The following ARSA variants were observed in gnomAD, a reference collection of about 807,000 sequenced individuals.
The protein encoded by ARSA is cerebroside-sulfatase.
A neutral mutation model predicts 37.8 loss-of-function variants in ARSA; 32 were observed. The observed-to-expected ratio is 0.85, with a 90% CI of 0.64 to 1.14. The LOEUF is 1.14. Among genes scored for constraint, ARSA ranks in the 50% most tolerant of loss-of-function variants. The pLI, the probability that ARSA is intolerant of heterozygous loss-of-function variation, is 0.00. For synonymous variants in ARSA, 303 were observed against 303.4 expected (o/e 1.00, Z 0.01); for missense variants, 685 against 686.3 (o/e 1.00, Z 0.02).
At chr22:50,627,470 C>T (rs1462577494) in intron 1 of ARSA, 64 bp from the exon 2 acceptor site, 3 of 1,599,980 alleles carry the variant, frequency 1.9e-6, no homozygotes, top group Admixed American at 1.7e-5. Flanking sequence ...GAGAGAGAGA[C>T]AGACGTTTTT....
chr22:50,625,431 G>A lies in ARSA; in HGVS notation c.1244C>T (p.Ala415Val). ...AGTCAGAGAGCTGGAGGCGTGGCAG[G>A]CAGGGTCTGCAGTGGTATCACTGTG... Reference protein sequence around the residue: ...SAHSDTTADPACHASSSLTAH... With the variant: ...SAHSDTTADPVCHASSSLTAH... Residue 415 changes from alanine to valine, a missense_variant, in exon 8 of 8, where the codon GCC (alanine) becomes GTC (valine). By Grantham distance (64) the Ala-to-Val change is moderately conservative. Coordinates refer to ENST00000216124, the MANE Select transcript of ARSA (RefSeq NM_000487.6). 6.3e-7 allele frequency: 1 copy of A among 1,595,314 alleles called. No homozygotes were observed. The highest frequency in any genetic ancestry group is 1.1e-5 in the South Asian group (1 of 89,194).
chr22:50,625,573 G>A lies in ARSA; in HGVS notation c.1210+6C>T. The A allele has an allele frequency of 6.2e-7, 1 of 1,613,074 alleles. No individual in the cohort carries two copies. The highest frequency in any genetic ancestry group is 8.5e-7 in the Non-Finnish European group (1 of 1,179,778). On this transcript the variant is annotated splice_donor_region_variant and intron_variant, in intron 7 of 7. Coordinates refer to ENST00000216124, the MANE Select transcript of ARSA (RefSeq NM_000487.6). ...TCGGGGGGAGGGATCCACGGGGAGGGGTTACCCTGGGTGAAGAAGTGAGCC... is the reference window on the plus strand; with the variant it reads ...TCGGGGGGAGGGATCCACGGGGAGGAGTTACCCTGGGTGAAGAAGTGAGCC...
At position 50,627,284 on chromosome 22, in the gene ARSA, C is replaced by T. The variant is rs754795152; in HGVS notation, c.347G>A (p.Arg116Gln). The T allele has an allele frequency of 3.1e-6, 5 of 1,592,608 alleles. No homozygotes were observed. Among genetic ancestry groups the T allele is most frequent in the African/African-American group, 2.7e-5 (2 of 74,682 alleles). ...GCCGGCCATTCCTGTGAGGTAGCCT[C>T]GGGCAGCCAGGACTTCGGCCACGGT... ...EVTVAEVLAARGYLTGMAGKW... is the reference protein window; with the variant it reads ...EVTVAEVLAAQGYLTGMAGKW... The change falls in exon 2 of 8, where the codon CGA becomes CAA. Residue 116 changes from arginine (R) to glutamine (Q), a missense_variant. Physicochemically the swap from Arg to Gln is conservative, Grantham distance 43. Coordinates refer to ENST00000216124, the MANE Select transcript of ARSA (RefSeq NM_000487.6).
Position 50,626,752 on chromosome 22 carries a change from G to A in ARSA, c.693C>T (p.His231=). 6 of 1,613,140 alleles carry A rather than the reference G, an allele frequency of 3.7e-6. No homozygotes were observed. The highest frequency in any genetic ancestry group is 5.1e-6 in the Non-Finnish European group (6 of 1,179,248). The part of the protein sequence containing the change: ...FFLYYASHHT[H]YPQFSGQSFA... ...AGCTCTGCCCACTGAACTGAGGGTA[G>A]TGGGTGTGCTGGGGGCAAAGACTGG... The change falls in exon 4 of 8, where the codon CAC becomes CAT. Residue 231 remains histidine (H), a synonymous_variant. Coordinates refer to ENST00000216124, the MANE Select transcript of ARSA (RefSeq NM_000487.6).
Position 50,626,170 on chromosome 22 carries a change from TGGCCAGAA to T in ARSA, c.955_962del (p.Phe319ArgfsTer38), listed in dbSNP as rs747244349. On this transcript the variant is annotated frameshift_variant, in exon 5 of 8. Coordinates refer to ENST00000216124, the MANE Select transcript of ARSA (RefSeq NM_000487.6). LOFTEE classifies it high-confidence loss of function. The stretch of plus-strand genomic sequence containing the variant: ...CGGACTGACCGGGAGCGATATGACC[TGGCCAGAA>T]GGCCAAGGCAGGCTCTCGGACACCG... 6.2e-7 allele frequency: 1 copy of T among 1,606,266 alleles called. No homozygotes were observed. Among genetic ancestry groups the T allele is most frequent in the Non-Finnish European group, 8.5e-7 (1 of 1,177,174 alleles).
At position 50,626,160 on chromosome 22, in the gene ARSA, C is replaced by T. The variant is rs747730785; in HGVS notation, c.973G>A (p.Ala325Thr). ...PALAFWPGHI[A>T]PGVTHELASS... ...AGAGGGCCTGCGGACTGACCGGGAG[C>T]GATATGACCTGGCCAGAAGGCCAAG... is the stretch of plus-strand genomic sequence containing the variant. Residue 325 changes from alanine (A) to threonine (T), a missense_variant, in exon 5 of 8, where the codon GCT becomes ACT. By Grantham distance (58) the Ala-to-Thr change is moderately conservative. Coordinates refer to ENST00000216124, the MANE Select transcript of ARSA (RefSeq NM_000487.6). 1.7e-5 allele frequency: 28 copies of T among 1,603,256 alleles called. No individual in the cohort carries two copies. Among genetic ancestry groups the T allele is most frequent in the African/African-American group, 4.0e-5 (3 of 74,872 alleles).
At position 50,622,994 on chromosome 22, in the gene ARSA, T is replaced by C. The variant is rs2146709653; in HGVS notation, c.*2151A>G. On this transcript the variant is annotated 3_prime_UTR_variant, in exon 8 of 8. Coordinates refer to ENST00000216124, the MANE Select transcript of ARSA (RefSeq NM_000487.6). ...CCGCCCTCCTTGGAGAGAAAGAGGCTGCAACTCCAAGATCAAGGGACCTTT... is the reference window on the plus strand; with the variant it reads ...CCGCCCTCCTTGGAGAGAAAGAGGCCGCAACTCCAAGATCAAGGGACCTTT... The C allele has an allele frequency of 6.6e-6, 1 of 152,294 alleles. No individual in the cohort carries two copies. Among genetic ancestry groups the C allele is most frequent in the Admixed American group, 6.5e-5 (1 of 15,300 alleles). The allele number at this position is 152,294 out of a possible 1,614,324, so 9.4% of individuals were successfully genotyped here.
rs1391613150 is a variant in ARSA, at chr22:50,623,596, CTAAT to C, written c.*1545_*1548del. ...CTAGGACAAATGCTACCACGCCTGGCTAATTAAAACAAATATTGTTGGCCAGGTG... is the reference window on the plus strand; with the variant it reads ...CTAGGACAAATGCTACCACGCCTGGCTAAAACAAATATTGTTGGCCAGGTG... On this transcript the variant is annotated 3_prime_UTR_variant, in exon 8 of 8. Coordinates refer to ENST00000216124, the MANE Select transcript of ARSA (RefSeq NM_000487.6). Among the ~76,000 whole-genome samples the C allele has an allele frequency of 6.6e-6, 1 of 152,090 alleles. No individual in the cohort carries two copies. Among genetic ancestry groups the C allele is most frequent in the Non-Finnish European group, 1.5e-5 (1 of 68,024 alleles).
chr22:50,623,215 C>G lies in ARSA; in HGVS notation c.*1930G>C, dbSNP rs2082614113. The G allele has an allele frequency of 6.6e-6, 1 of 152,272 alleles. No individual in the cohort carries two copies. The highest frequency in any genetic ancestry group is 2.4e-5 in the African/African-American group (1 of 41,450). The allele number at this position is 152,272 out of a possible 1,614,324, so 9.4% of individuals were successfully genotyped here. A position where few individuals can be genotyped will look rare whatever the true frequency, so the allele number is the denominator to read the frequency against. On this transcript the variant is annotated 3_prime_UTR_variant, in exon 8 of 8. Transcript: ENST00000216124. ...CCTGACGTCAGTGTGCCATGCTGCA[C>G]AGACACGGGCAGGTGCTCAGACAGT...
chr22:50,625,844 G>A (rs924707825), intron 6 of ARSA, 92 bp downstream of exon 6: 1 of 1,545,212 alleles, frequency 6.5e-7, no homozygotes, highest in Non-Finnish European at 8.7e-7. Flanking sequence ...AGGAGGCACT[G>A]AGGCACAGAC....
intron 4 of ARSA, 81 bp from the exon 5 acceptor site, chr22:50,626,359 A>C: frequency 1.3e-6 from 2 of 1,580,186 alleles, no homozygotes; most frequent in East Asian, 4.5e-5. Context: ...CACACCTCTA[A>C]GTCACAAAGC....
In ARSA at chr22:50,626,577, C is replaced by T. The variant is rs1284434726; in HGVS notation, c.854+14G>A. The T allele has an allele frequency of 6.2e-7, 1 of 1,611,698 alleles. No homozygotes were observed. The highest frequency in any genetic ancestry group is 8.5e-7 in the Non-Finnish European group (1 of 1,180,034). On this transcript the variant is annotated intron_variant, in intron 4 of 7. Coordinates refer to ENST00000216124, the MANE Select transcript of ARSA (RefSeq NM_000487.6). The stretch of plus-strand genomic sequence containing the variant: ...GTGACAGGGCCGGAGCACCCAGCTG[C>T]CCTGCTGGCATACCCATTGTCTGCA...
In ARSA at chr22:50,627,335, C is replaced by CG. The variant is rs1555901056; in HGVS notation, c.295dup (p.Arg99ProfsTer35). ...CACCTCCTCCAGGGGCAGGCCCCCC[C>CG]GGGAGCTGGGCACCAGGACGCCAGG... is the stretch of plus-strand genomic sequence containing the variant. On this transcript the variant is annotated frameshift_variant, in exon 2 of 8. Transcript: ENST00000216124. LOFTEE classifies it high-confidence loss of function. The CG allele has an allele frequency of 1.3e-6, 2 of 1,592,762 alleles. No homozygotes were observed. The highest frequency in any genetic ancestry group is 1.7e-6 in the Non-Finnish European group (2 of 1,171,038).
chr22:50,626,810 G>C (rs1294783709), intron 3 of ARSA, 24 bp downstream of exon 3: 1 of 1,611,406 alleles, frequency 6.2e-7, no homozygotes, highest in Non-Finnish European at 8.5e-7. Flanking sequence ...CGGGCAGCCA[G>C]GGGGTTGGGC....
At chr22:50,626,812 G>A (rs369071215) in intron 3 of ARSA, 22 bp downstream of exon 3, 79 of 1,611,342 alleles carry the variant, frequency 4.9e-5, no homozygotes, top group Non-Finnish European at 6.5e-5. Context: ...GGCAGCCAGG[G>A]GGTTGGGCCA....
In ARSA at chr22:50,625,328, C is replaced by A; in HGVS notation, c.1347G>T (p.Gly449=). Residue 449 remains glycine (G), a synonymous_variant, in exon 8 of 8, where the codon GGG becomes GGT. Transcript: ENST00000216124. The part of the protein sequence containing the change: ...ENYNLLGGVA[G]ATPEVLQALK... ...GGGCTTGCAGCACCTCTGGGGTGGC[C>A]CCGGCCACACCCCCCAGCAGGTTGT... 6.2e-7 allele frequency: 1 copy of A among 1,612,356 alleles called. No homozygotes were observed. The highest frequency in any genetic ancestry group is 8.5e-7 in the Non-Finnish European group (1 of 1,179,510).
chr22:50,626,404 C>T (rs1377513165), intron 4 of ARSA, 126 bp from the exon 5 acceptor site: 2 of 1,508,958 alleles, frequency 1.3e-6, no homozygotes, highest in African/African-American at 1.4e-5. Context: ...CCCGGCACCT[C>T]CCAGGCCTAC....
Position 50,624,944 on chromosome 22 carries a change from C to T in ARSA, c.*201G>A, listed in dbSNP as rs2082637376. 4 of 656,294 alleles carry T rather than the reference C, an allele frequency of 6.1e-6. No individual in the cohort carries two copies. Among genetic ancestry groups the T allele is most frequent in the Non-Finnish European group, 7.5e-6 (3 of 399,738 alleles). The allele number at this position is 656,294 out of a possible 1,614,324, so 40.7% of individuals were successfully genotyped here. On this transcript the variant is annotated 3_prime_UTR_variant, in exon 8 of 8. Coordinates refer to ENST00000216124, the MANE Select transcript of ARSA (RefSeq NM_000487.6). ...GATCTTGTACAAGTCCTGAACCTCT[C>T]TGCACCTCAGTTTCCTCATTCGTAC... is the stretch of plus-strand genomic sequence containing the variant.
rs2082687800 is a variant in ARSA at position 50,627,209 on chromosome 22, T to C, written c.422A>G (p.Gln141Arg). The C allele has an allele frequency of 6.2e-7, 1 of 1,612,480 alleles. No homozygotes were observed. The highest frequency in any genetic ancestry group is 1.7e-5 in the Admixed American group (1 of 59,918). Residue 141 changes from glutamine to arginine, a missense_variant, in exon 2 of 8, where the codon CAG (glutamine) becomes CGG (arginine). Coordinates refer to ENST00000216124, the MANE Select transcript of ARSA (RefSeq NM_000487.6). ...GPEGAFLPPH[Q>R]GFHRFLGIPY... ...GATGCCTAGAAATCGATGGAAGCCC[T>C]GATGGGGGGGCAGGAAGGCCCCCTC... is the stretch of plus-strand genomic sequence containing the variant.
Sources: gnomAD v4.1 joint callset for allele counts (sites outside exome capture counted in the v4.1 genomes callset) on GRCh38, gnomAD v4.1.1 for gene constraint, MANE v1.5 for transcripts, NCBI Gene and HGNC (gene_info 2026-07-23, HGNC 2026-07-21) for gene names.